Variants in SH3PXD2A observed in about 807,000 individuals in gnomAD.
SH3PXD2A encodes SH3 and PX domain-containing protein 2A.
Under a neutral mutation model 115.2 loss-of-function variants are expected in SH3PXD2A, and 32 were observed. The ratio of observed to expected loss-of-function variants is 0.28; its 90% confidence interval spans 0.21 to 0.37. The LOEUF is 0.37. Ranked by LOEUF, SH3PXD2A falls within the 10% of genes least tolerant of loss-of-function variation. The pLI, the probability that SH3PXD2A is intolerant of heterozygous loss-of-function variation, is 1.00. For synonymous variants in SH3PXD2A, 610 were observed against 629.1 expected, an observed-to-expected ratio of 0.97 and a Z score of 0.45; for missense variants, 1,328 against 1,498.7, an observed-to-expected ratio of 0.89 and a Z score of 1.88.
At chr10:103,621,615 G>T (rs1592267174) in intron 10 of SH3PXD2A, among the ~76,000 whole-genome samples, 1 of 152,340 alleles carries the variant, frequency 6.6e-6, no homozygotes, top group East Asian at 1.9e-4. Context: ...TGCCGTCACT[G>T]TGAGAAGCAC....
intron 2 of SH3PXD2A, among the ~76,000 whole-genome samples, chr10:103,788,678 C>A (rs996882165): frequency 2.6e-5 from 4 of 152,046 alleles, no homozygotes; most frequent in African/African-American, 9.7e-5. Context: ...ACCAGCCTGG[C>A]CAACATGGAG....
rs75671848 is a variant in SH3PXD2A, at chr10:103,750,594, C to A, written c.230-14786G>T. ...GAGCCCCCTGAGCGATTCTCATGTA[C>A]CTCTGAGGCTGAGAATTACTGACAG... On this transcript the variant is annotated intron_variant, in intron 3 of 14. Transcript: ENST00000369774. 3.8e-3 allele frequency among the ~76,000 whole-genome samples: 573 copies of A among 152,228 alleles called. 7 individuals are homozygous for A. The highest frequency in any genetic ancestry group is 0.013 in the African/African-American group (532 of 41,524).
intron 5 of SH3PXD2A, among the ~76,000 whole-genome samples, chr10:103,704,661 G>C (rs982825445): frequency 1.3e-5 from 2 of 152,338 alleles, no homozygotes; most frequent in South Asian, 4.1e-4. Flanking sequence ...CACTCAAAAC[G>C]CAGGACAAAC....
At position 103,693,088 on chromosome 10, in the gene SH3PXD2A, T is replaced by C. The variant is rs756420545; in HGVS notation, c.399-32A>G. On this transcript the variant is annotated intron_variant, in intron 5 of 14. Coordinates refer to ENST00000369774, the MANE Select transcript of SH3PXD2A (RefSeq NM_001394015.1). ...AAGAAGCAACAACAGATAGACATGG[T>C]TAGGGCCGGGCGCGAGCGCGGGGCT... is the stretch of plus-strand genomic sequence containing the variant. 5 of 1,610,060 alleles carry C rather than the reference T, an allele frequency of 3.1e-6. No individual in the cohort carries two copies. The South Asian group carries it at 5.5e-5, about 18-fold the overall frequency.
Position 103,679,357 on chromosome 10 carries a change from C to G in SH3PXD2A, c.428-10705G>C, listed in dbSNP as rs1485160375. Among the ~76,000 whole-genome samples the G allele has an allele frequency of 2.6e-5, 4 of 152,190 alleles. No individual in the cohort carries two copies. The East Asian group carries it at 7.7e-4, about 29-fold the overall frequency. On this transcript the variant is annotated intron_variant, in intron 6 of 14. Transcript: ENST00000369774. Reference sequence around the variant, plus strand: ...GCAGGCACAGCCAGAGCCAGAAAAGCCAGCTTTAGTCTGGAAGGAGCCACC... The same window carrying G: ...GCAGGCACAGCCAGAGCCAGAAAAGGCAGCTTTAGTCTGGAAGGAGCCACC...
At chr10:103,809,626 G>C (rs1483563960) in intron 1 of SH3PXD2A, among the ~76,000 whole-genome samples, 2 of 151,872 alleles carry the variant, frequency 1.3e-5, no homozygotes, top group African/African-American at 4.8e-5. Context: ...GCCTTTGTTT[G>C]CAGGAATCAT....
intron 2 of SH3PXD2A, among the ~76,000 whole-genome samples, chr10:103,797,619 C>T (rs1337084389): frequency 6.6e-6 from 1 of 151,500 alleles, no homozygotes; most frequent in African/African-American, 2.4e-5. Context: ...TTCCAAGGAT[C>T]TACATGCAGG....
rs969758090 is a variant in SH3PXD2A at position 103,602,472 on chromosome 10, C to T, written c.2746G>A (p.Gly916Ser). ...GKELDTVPAK[G>S]RQNEGKSDSL... ...TCTGATTTGCCTTCGTTCTGCCTGC[C>T]CTTGGCGGGCACTGTGTCCAGCTCT... Residue 916 changes from glycine (G) to serine (S), a missense_variant, in exon 15 of 15, where the codon GGC becomes AGC. This residue lies in a region of SH3PXD2A where 574 missense variants were observed against 565.7 expected (regional missense o/e 1.01). Coordinates refer to ENST00000369774, the MANE Select transcript of SH3PXD2A (RefSeq NM_001394015.1). 6 of 1,614,022 alleles carry T rather than the reference C, an allele frequency of 3.7e-6. No homozygotes were observed. The Admixed American group carries it at 5.0e-5, about 13-fold the overall frequency.
chr10:103,767,078 G>A lies in SH3PXD2A; in HGVS notation c.229+16C>T. On this transcript the variant is annotated intron_variant, in intron 3 of 14. Transcript: ENST00000369774. ...CGGGTATCCCCCATCCCTGGGTGGA[G>A]CCACCCAATGCTTACCTGGGAGGAA... 3 of 1,595,030 alleles carry A rather than the reference G, an allele frequency of 1.9e-6. No homozygotes were observed. The highest frequency in any genetic ancestry group is 2.6e-6 in the Non-Finnish European group (3 of 1,162,864).
chr10:103,655,789 A>T (rs2037203181), intron 8 of SH3PXD2A, among the ~76,000 whole-genome samples: 1 of 151,402 alleles, frequency 6.6e-6, no homozygotes, highest in African/African-American at 2.4e-5. Flanking sequence ...AAAAAAAAAA[A>T]AAAAAAAAGC....
intron 3 of SH3PXD2A, among the ~76,000 whole-genome samples, chr10:103,764,551 G>C (rs745376088): frequency 6.6e-6 from 1 of 152,196 alleles, no homozygotes; most frequent in Non-Finnish European, 1.5e-5. Flanking sequence ...CTCCATGCTT[G>C]ACTTTTCCCA....
At chr10:103,692,777 G>A (rs1401407309) in intron 6 of SH3PXD2A, among the ~76,000 whole-genome samples, 1 of 152,198 alleles carries the variant, frequency 6.6e-6, no homozygotes, top group Non-Finnish European at 1.5e-5. Flanking sequence ...ACCCACTAGG[G>A]ACAGCGAGGT....
chr10:103,661,551 C>T, intron 7 of SH3PXD2A: 1 of 659,936 alleles, frequency 1.5e-6, no homozygotes, highest in Non-Finnish European at 1.9e-6. Context: ...GGCGAGCCAG[C>T]GGGTGGGCGG....
chr10:103,732,611 T>C (rs1371130125), intron 4 of SH3PXD2A, among the ~76,000 whole-genome samples: 3 of 152,262 alleles, frequency 2.0e-5, no homozygotes, highest in African/African-American at 4.8e-5. Context: ...ACGGTCAGAC[T>C]TTCCATGTCT....
At chr10:103,692,381 G>A (rs917648580) in intron 6 of SH3PXD2A, among the ~76,000 whole-genome samples, 1 of 152,080 alleles carries the variant, frequency 6.6e-6, no homozygotes, top group Admixed American at 6.5e-5. Flanking sequence ...AGGCCAATGC[G>A]GGGGGCGGGG....
chr10:103,645,833 C>A (rs1263558692), intron 8 of SH3PXD2A, among the ~76,000 whole-genome samples: 1 of 152,214 alleles, frequency 6.6e-6, no homozygotes, highest in Admixed American at 6.5e-5. Flanking sequence ...TTTGCCCCAA[C>A]TCCCAGAGGA....
chr10:103,811,076 A>T (rs1445206469), intron 1 of SH3PXD2A, among the ~76,000 whole-genome samples: 1 of 152,094 alleles, frequency 6.6e-6, no homozygotes, highest in Admixed American at 6.5e-5. Flanking sequence ...GAAAACAATG[A>T]CGGTCCCCAG....
At chr10:103,825,800 G>A (rs1215274319) in intron 1 of SH3PXD2A, among the ~76,000 whole-genome samples, 1 of 134,910 alleles carries the variant, frequency 7.4e-6, no homozygotes, top group African/African-American at 2.8e-5. Context: ...GTCTCGCTCT[G>A]TCACCCAGGC....
intron 8 of SH3PXD2A, among the ~76,000 whole-genome samples, chr10:103,645,188 C>T (rs2037017854): frequency 1.3e-5 from 2 of 152,242 alleles, no homozygotes; most frequent in Admixed American, 6.5e-5. Context: ...TAGGCCGAAT[C>T]TTGCTCATCT....
Sources: allele counts gnomAD v4.1 joint callset (sites outside exome capture counted in the v4.1 genomes callset), GRCh38; gene constraint gnomAD v4.1.1; regional missense constraint gnomAD v4.1.1; transcripts MANE v1.5; gene names NCBI Gene and HGNC (gene_info 2026-07-23, HGNC 2026-07-21).